Variants in GRID2 observed in about 807,000 individuals in gnomAD.
GRID2 encodes the protein glutamate ionotropic receptor delta type subunit 2.
A neutral mutation model predicts 114.8 loss-of-function variants in GRID2; 33 were observed. The ratio of observed to expected loss-of-function variants is 0.29; its 90% CI spans 0.22 to 0.38. GRID2 has a LOEUF of 0.38. GRID2 is among the 10% of genes least tolerant of loss of function. GRID2 has a pLI of 1.00. For missense variants in GRID2, 1,184 were observed against 1,257.7 expected (o/e 0.94, Z 0.89); for synonymous variants, 505 against 449.9 (o/e 1.12, Z -1.55).
chr4:93,594,568 G>A (rs562853335), intron 13 of GRID2, among the ~76,000 whole-genome samples: 3,631 of 152,314 alleles, frequency 0.024, 57 homozygotes, highest in East Asian at 0.067. Context: ...TCCTTGAGCT[G>A]TGGTGGGCTC....
In GRID2 at chr4:93,395,634, C is replaced by G; in HGVS notation, c.1273C>G (p.Leu425Val). 6.3e-7 allele frequency: 1 copy of G among 1,577,456 alleles called. No homozygotes were observed. Among genetic ancestry groups the G allele is most frequent in the Non-Finnish European group, 8.7e-7 (1 of 1,147,368 alleles). The change falls in exon 9 of 16, where the codon CTG becomes GTG. Residue 425 changes from leucine (L) to valine (V), a missense_variant. Transcript: ENST00000282020. ...KLGCWNPVTGLNGSLTDKKLE... is the reference protein window; with the variant it reads ...KLGCWNPVTGVNGSLTDKKLE... Reference sequence around the variant, plus strand: ...TGGTTGCTGGAATCCTGTCACAGGTCTGAATGGGTCACTGACTGACAAGAA... The same window carrying G: ...TGGTTGCTGGAATCCTGTCACAGGTGTGAATGGGTCACTGACTGACAAGAA...
intron 8 of GRID2, among the ~76,000 whole-genome samples, chr4:93,376,749 T>C (rs991423171): frequency 3.3e-5 from 5 of 152,102 alleles, no homozygotes; most frequent in Non-Finnish European, 4.4e-5. Context: ...TGTTCTCACT[T>C]ATAAGTGGGA....
intron 2 of GRID2, among the ~76,000 whole-genome samples, chr4:92,773,551 T>G (rs1284838668): frequency 6.6e-6 from 1 of 152,060 alleles, no homozygotes; most frequent in Non-Finnish European, 1.5e-5. Context: ...CTTTCTACCT[T>G]CTTTTAAAGT....
chr4:92,571,062 A>G (rs1380143327), intron 1 of GRID2, among the ~76,000 whole-genome samples: 1 of 152,112 alleles, frequency 6.6e-6, no homozygotes, highest in Non-Finnish European at 1.5e-5. Context: ...TTTGCCACTC[A>G]GTATGATATT....
chr4:93,257,150 A>G (rs190680711), intron 8 of GRID2, among the ~76,000 whole-genome samples: 16 of 151,986 alleles, frequency 1.1e-4, no homozygotes, highest in African/African-American at 3.9e-4. Flanking sequence ...AGAAAATGAC[A>G]TATATGTAGT....
intron 1 of GRID2, among the ~76,000 whole-genome samples, chr4:92,367,945 T>A (rs1728950396): frequency 6.6e-6 from 1 of 151,948 alleles, no homozygotes; most frequent in South Asian, 2.1e-4. Context: ...TGACCAGGAG[T>A]GCTAGTTGAC....
chr4:92,921,079 T>C, intron 2 of GRID2, among the ~76,000 whole-genome samples: 1 of 152,044 alleles, frequency 6.6e-6, no homozygotes, highest in East Asian at 1.9e-4. Context: ...AACTTCTCTT[T>C]TAGCTTCATT....
At chr4:93,183,370 T>C (rs542935630) in intron 4 of GRID2, among the ~76,000 whole-genome samples, 185 of 152,224 alleles carry the variant, frequency 1.2e-3, no homozygotes, top group African/African-American at 4.2e-3. Context: ...ATTATCCCCC[T>C]GTAAAGACAT....
chr4:93,155,716 A>G (rs1026090764), intron 4 of GRID2, among the ~76,000 whole-genome samples: 2 of 151,818 alleles, frequency 1.3e-5, no homozygotes, highest in Non-Finnish European at 2.9e-5. Flanking sequence ...TATAAAATCA[A>G]AATGACTTCA....
intron 2 of GRID2, among the ~76,000 whole-genome samples, chr4:92,943,927 C>T (rs534458965): frequency 6.6e-6 from 1 of 152,314 alleles, no homozygotes; most frequent in Non-Finnish European, 1.5e-5. Flanking sequence ...ATGTTGCTGC[C>T]TGATTGTTCC....
chr4:92,654,266 G>A (rs1274829618), intron 2 of GRID2, among the ~76,000 whole-genome samples: 3 of 151,930 alleles, frequency 2.0e-5, no homozygotes, highest in East Asian at 3.9e-4. Context: ...AAGCTCTGAT[G>A]TCTCTTCCTC....
chr4:92,669,418 A>G (rs1732944150), intron 2 of GRID2, among the ~76,000 whole-genome samples: 1 of 151,954 alleles, frequency 6.6e-6, no homozygotes, highest in Non-Finnish European at 1.5e-5. Context: ...GATCCTATGG[A>G]GAGCTGAAAC....
chr4:92,704,497 A>G (rs897929829), intron 2 of GRID2, among the ~76,000 whole-genome samples: 22 of 152,204 alleles, frequency 1.4e-4, no homozygotes, highest in African/African-American at 5.3e-4. Context: ...ACATATCTCC[A>G]TTGACTGCAT....
chr4:93,452,322 AT>A (rs1722766644), intron 10 of GRID2, among the ~76,000 whole-genome samples: 1 of 152,072 alleles, frequency 6.6e-6, no homozygotes, highest in African/African-American at 2.4e-5. Context: ...TACTTTTTCC[AT>A]GAGGAATAGG....
chr4:92,933,973 T>C (rs992779850), intron 2 of GRID2, among the ~76,000 whole-genome samples: 1 of 151,688 alleles, frequency 6.6e-6, no homozygotes, highest in East Asian at 1.9e-4. Flanking sequence ...TTCCTGCAAA[T>C]ATAATACTTA....
rs905745890 is a variant in GRID2 at position 93,248,017 on chromosome 4, T to A, written c.1245+9527T>A. 3.3e-5 allele frequency among the ~76,000 whole-genome samples: 5 copies of A among 152,064 alleles called. No homozygotes were observed. In the South Asian group the frequency reaches 1.0e-3, roughly 32 times the overall value. ...ACAGAGGAGGCAAAGTTTAGTTTCC[T>A]TCCCACTCTACTAGAGAGCATCAAC... is the stretch of plus-strand genomic sequence containing the variant. On this transcript the variant is annotated intron_variant, in intron 8 of 15. Transcript: ENST00000282020.
At chr4:92,678,021 C>A (rs1202262241) in intron 2 of GRID2, among the ~76,000 whole-genome samples, 1 of 152,078 alleles carries the variant, frequency 6.6e-6, no homozygotes, top group Non-Finnish European at 1.5e-5. Flanking sequence ...AAACCAAGTA[C>A]CTTACCACCT....
At chr4:93,801,687 C>G (rs1461950543) in intron 1 of GRID2, among the ~76,000 whole-genome samples, 2 of 152,114 alleles carry the variant, frequency 1.3e-5, no homozygotes, top group Non-Finnish European at 2.9e-5. Flanking sequence ...AAGCACTGCA[C>G]TTTCTCACAT....
intron 2 of GRID2, among the ~76,000 whole-genome samples, chr4:92,979,040 T>A (rs1274633196): frequency 6.6e-6 from 1 of 151,818 alleles, no homozygotes; most frequent in Non-Finnish European, 1.5e-5. Flanking sequence ...AAAATAAAAA[T>A]GAAAATAAAA....
Sources: gnomAD v4.1 joint callset for allele counts (sites outside exome capture counted in the v4.1 genomes callset) on GRCh38, gnomAD v4.1.1 for gene constraint, MANE v1.5 for transcripts, NCBI Gene and HGNC (gene_info 2026-07-23, HGNC 2026-07-21) for gene names.